Variants in ARHGEF19 observed in about 807,000 individuals in gnomAD.
ARHGEF19 encodes the protein Rho guanine nucleotide exchange factor 19.
A neutral mutation model predicts 87.6 loss-of-function variants in ARHGEF19; 92 were observed. The observed-to-expected ratio is 1.05, with a 90% CI of 0.89 to 1.25. The LOEUF (loss-of-function observed/expected upper bound fraction) is 1.25. Ranked by LOEUF, ARHGEF19 falls within the 50% of genes most tolerant of loss-of-function variation. The pLI, the probability that ARHGEF19 is intolerant of heterozygous loss-of-function variation, is 0.00. For synonymous variants in ARHGEF19, 438 were observed against 446.2 expected (o/e 0.98, Z 0.23); for missense variants, 1,054 against 1,051.8 (o/e 1.00, Z -0.03).
In ARHGEF19 at chr1:16,207,886, C is replaced by CG; in HGVS notation, c.694+57_694+58insC. The CG allele has an allele frequency of 3.6e-6, 5 of 1,377,658 alleles. No individual in the cohort carries two copies. Among genetic ancestry groups the CG allele is most frequent in the Non-Finnish European group, 4.0e-6 (4 of 989,948 alleles). The allele number at this position is 1,377,658 out of a possible 1,614,324, so 85.3% of individuals were successfully genotyped here. Reference sequence around the variant, plus strand: ...AGGCGGCCGGTGAGTGGGCATCGCCCACCCCCACCCCCACCCGGCATCTGG... The same window carrying CG: ...AGGCGGCCGGTGAGTGGGCATCGCCCGACCCCCACCCCCACCCGGCATCTGG... On this transcript the variant is annotated intron_variant, in intron 3 of 15. Coordinates refer to ENST00000270747, the MANE Select transcript of ARHGEF19 (RefSeq NM_153213.5). This position sits in a 1 kb window ranked among gnomAD's most constrained non-coding sequence, Gnocchi z 4.0.
chr1:16,203,355 TC>T (rs2081099470), intron 12 of ARHGEF19, among the ~76,000 whole-genome samples: 1 of 151,928 alleles, frequency 6.6e-6, no homozygotes, highest in African/African-American at 2.4e-5. Context: ...TCCCTTTCCA[TC>T]CCCCCTACAC....
chr1:16,202,349 T>C lies in ARHGEF19; in HGVS notation c.2066+67A>G, dbSNP rs1407961311. The C allele has an allele frequency of 3.8e-5, 54 of 1,433,784 alleles. No individual in the cohort carries two copies. The East Asian group carries it at 4.0e-4, about 11-fold the overall frequency. The allele number at this position is 1,433,784 out of a possible 1,614,324, so 88.8% of individuals were successfully genotyped here. On this transcript the variant is annotated intron_variant, in intron 13 of 15. Transcript: ENST00000270747. ...GCCCGCCATGGGGACGGGGTGCCCA[T>C]CATGGGGACGGGGTGCCTGTCATGG...
At chr1:16,200,129 C>T (rs531294676) in intron 14 of ARHGEF19, among the ~76,000 whole-genome samples, 1 of 152,222 alleles carries the variant, frequency 6.6e-6, no homozygotes, top group African/African-American at 2.4e-5. Context: ...GCATCTACCC[C>T]CTTCCTGGTC....
chr1:16,199,155 C>A lies in ARHGEF19; in HGVS notation c.2246G>T (p.Ser749Ile). ...TTCCCAGGAGGCCCCCTCACCGTCA[C>A]TGGTCCAGGTCCTCACTGACAGGAT... ...TDILSVRTWT[S>I]DGWLEGVRLA... The change falls in exon 15 of 16, where the codon AGT becomes ATT. Residue 749 changes from serine to isoleucine, a missense_variant. Ser to Ile is a moderately radical substitution (Grantham distance 142, BLOSUM62 -2). Transcript: ENST00000270747. The A allele has an allele frequency of 1.2e-6, 2 of 1,614,030 alleles. No individual in the cohort carries two copies. The highest frequency in any genetic ancestry group is 1.7e-6 in the Non-Finnish European group (2 of 1,179,938).
In ARHGEF19 at chr1:16,206,856, C is replaced by G; in HGVS notation, c.1137+92G>C. On this transcript the variant is annotated intron_variant, in intron 6 of 15. Transcript: ENST00000270747. This position sits in a 1 kb window ranked among gnomAD's most constrained non-coding sequence, Gnocchi z 4.6. ...CGCGCCAGCAACCCCCTTTGTGTGT[C>G]CCCCTCCCTCTATGGCCCGGTTCCC... 3.7e-6 allele frequency: 5 copies of G among 1,343,804 alleles called. No homozygotes were observed. The highest frequency in any genetic ancestry group is 3.4e-5 in the South Asian group (2 of 59,398). The allele number at this position is 1,343,804 out of a possible 1,614,324, so 83.2% of individuals were successfully genotyped here.
Position 16,198,875 on chromosome 1 carries a change from T to G in ARHGEF19, c.2252-131A>C. 1 of 1,214,632 alleles carries G rather than the reference T, an allele frequency of 8.2e-7. No homozygotes were observed. 75.2% of individuals were successfully genotyped at this position (1,214,632 alleles called of 1,614,324 possible). ...CAAGGTGACATCATCTCAGCATCTCTCAGCTCCAGGAAGGACCCTGTCTTG... is the reference window on the plus strand; with the variant it reads ...CAAGGTGACATCATCTCAGCATCTCGCAGCTCCAGGAAGGACCCTGTCTTG... On this transcript the variant is annotated intron_variant, in intron 15 of 15. Coordinates refer to ENST00000270747, the MANE Select transcript of ARHGEF19 (RefSeq NM_153213.5). The surrounding 1 kb of genome is among the most constrained non-coding windows in gnomAD (Gnocchi z 4.1).
At position 16,205,744 on chromosome 1, in the gene ARHGEF19, T is replaced by G; in HGVS notation, c.1452-77A>C. The G allele has an allele frequency of 6.6e-7, 1 of 1,523,044 alleles. No individual in the cohort carries two copies. Among genetic ancestry groups the G allele is most frequent in the Admixed American group, 2.2e-5 (1 of 44,486 alleles). The allele number at this position is 1,523,044 out of a possible 1,614,324, so 94.3% of individuals were successfully genotyped here. A position where few individuals can be genotyped will look rare whatever the true frequency, so the allele number is the denominator to read the frequency against. On this transcript the variant is annotated intron_variant, in intron 8 of 15. Transcript: ENST00000270747. The surrounding 1 kb of genome is among the most constrained non-coding windows in gnomAD (Gnocchi z 5.8). ...TCCACAACCCTGGCCATCCACGGGG[T>G]CCTCAGGGGGCTTCTCAGCACATCC...
chr1:16,206,824 G>C lies in ARHGEF19; in HGVS notation c.1137+124C>G, dbSNP rs2081141327. 8.1e-7 allele frequency: 1 copy of C among 1,235,588 alleles called. No individual in the cohort carries two copies. Among genetic ancestry groups the C allele is most frequent in the Non-Finnish European group, 1.1e-6 (1 of 947,192 alleles). The allele number at this position is 1,235,588 out of a possible 1,614,324, so 76.5% of individuals were successfully genotyped here. ...AGGTCCTAGAGCCAACCTTCCGCGC[G>C]GACAGTCGCGCCAGCAACCCCCTTT... On this transcript the variant is annotated intron_variant, in intron 6 of 15. Coordinates refer to ENST00000270747, the MANE Select transcript of ARHGEF19 (RefSeq NM_153213.5). The surrounding 1 kb of genome is among the most constrained non-coding windows in gnomAD (Gnocchi z 4.6).
rs756638021 is a variant in ARHGEF19, at chr1:16,207,206, G to A, written c.879C>T (p.Val293=). The A allele has an allele frequency of 5.9e-6, 9 of 1,519,502 alleles. No individual in the cohort carries two copies. The highest frequency in any genetic ancestry group is 1.2e-5 in the South Asian group (1 of 80,372). The allele number at this position is 1,519,502 out of a possible 1,614,324, so 94.1% of individuals were successfully genotyped here. ...CCACGTCGCTGTATTCCTGATAGAG[G>A]ACGGCTGGGGGAAAGACGGGCGGGG... is the stretch of plus-strand genomic sequence containing the variant. The part of the protein sequence containing the change: ...RRQSRFLLNS[V]LYQEYSDVAS... The change falls in exon 6 of 16, where the codon GTC becomes GTT. Residue 293 remains valine, a synonymous_variant. Transcript: ENST00000270747. The surrounding 1 kb of genome is among the most constrained non-coding windows in gnomAD (Gnocchi z 4.0).
At position 16,198,724 on chromosome 1, in the gene ARHGEF19, GGCGGACCCCTTCCA is replaced by G; in HGVS notation, c.2258_2271del (p.Leu753ProfsTer5). 2 of 1,608,870 alleles carry G rather than the reference GGCGGACCCCTTCCA, an allele frequency of 1.2e-6. No individual in the cohort carries two copies. Among genetic ancestry groups the G allele is most frequent in the Middle Eastern group, 1.7e-4 (1 of 6,020 alleles). On this transcript the variant is annotated frameshift_variant, in exon 16 of 16. Transcript: ENST00000270747. LOFTEE classifies it high-confidence loss of function. This position sits in a 1 kb window ranked among gnomAD's most constrained non-coding sequence, Gnocchi z 4.1. ...ACCCACCCCTTCTCACCATCTGCCA[GGCGGACCCCTTCCA>G]GCCAGCCTAGGGACACATAGGCCAA...
chr1:16,204,018 T>C (rs1000982603), intron 12 of ARHGEF19, among the ~76,000 whole-genome samples: 5 of 152,354 alleles, frequency 3.3e-5, no homozygotes, highest in Middle Eastern at 3.4e-3. Flanking sequence ...ATTCTTCTTA[T>C]AGCATAACAT....
In ARHGEF19 at chr1:16,207,630, C is replaced by T. The variant is rs370731946; in HGVS notation, c.798-32G>A. ...AAGAGAGAGCGTCACGGCCCTAGTTCGCCTGCACCCTGTCTCGGACCCAAG... is the reference window on the plus strand; with the variant it reads ...AAGAGAGAGCGTCACGGCCCTAGTTTGCCTGCACCCTGTCTCGGACCCAAG... On this transcript the variant is annotated intron_variant, in intron 4 of 15. Coordinates refer to ENST00000270747, the MANE Select transcript of ARHGEF19 (RefSeq NM_153213.5). The surrounding 1 kb of genome is among the most constrained non-coding windows in gnomAD (Gnocchi z 4.0). The T allele has an allele frequency of 1.9e-6, 3 of 1,614,018 alleles. No individual in the cohort carries two copies. The highest frequency in any genetic ancestry group is 2.5e-6 in the Non-Finnish European group (3 of 1,179,980).
Position 16,206,108 on chromosome 1 carries a change from G to A in ARHGEF19, c.1299-25C>T, listed in dbSNP as rs772740638. ...CCTGAGGAGTCAGAGCCAGGATGGAGACCCCAGATCTGGGAGCTGGCCAAC... is the reference window on the plus strand; with the variant it reads ...CCTGAGGAGTCAGAGCCAGGATGGAAACCCCAGATCTGGGAGCTGGCCAAC... On this transcript the variant is annotated intron_variant, in intron 7 of 15. Coordinates refer to ENST00000270747, the MANE Select transcript of ARHGEF19 (RefSeq NM_153213.5). This position sits in a 1 kb window ranked among gnomAD's most constrained non-coding sequence, Gnocchi z 4.6. The A allele has an allele frequency of 8.3e-6, 13 of 1,574,928 alleles. No individual in the cohort carries two copies. Among genetic ancestry groups the A allele is most frequent in the Non-Finnish European group, 1.1e-5 (13 of 1,159,554 alleles).
At position 16,205,531 on chromosome 1, in the gene ARHGEF19, G is replaced by C. The variant is rs1403934856; in HGVS notation, c.1581+7C>G. 1 of 1,613,764 alleles carries C rather than the reference G, an allele frequency of 6.2e-7. No homozygotes were observed. On this transcript the variant is annotated splice_region_variant and intron_variant, in intron 9 of 15. Coordinates refer to ENST00000270747, the MANE Select transcript of ARHGEF19 (RefSeq NM_153213.5). The surrounding 1 kb of genome is among the most constrained non-coding windows in gnomAD (Gnocchi z 5.8). ...AGCCCTCACTGTGGCCTGTCCCCTC[G>C]AGGTACCTCCACCAACATCTTGAGG... is the stretch of plus-strand genomic sequence containing the variant.
chr1:16,208,963 C>G lies in ARHGEF19; in HGVS notation c.92G>C (p.Ser31Thr), dbSNP rs371536904. 1.9e-6 allele frequency: 3 copies of G among 1,560,794 alleles called. No homozygotes were observed. In the South Asian group the frequency reaches 3.6e-5, roughly 19 times the overall value. Residue 31 changes from serine to threonine, a missense_variant, in exon 2 of 16, where the codon AGT becomes ACT. By Grantham distance (58) the Ser-to-Thr change is moderately conservative. Transcript: ENST00000270747. ...HHPVAVCQQESLSFAELPALK... is the reference protein window; with the variant it reads ...HHPVAVCQQETLSFAELPALK... ...GGCGGGCAGCTCTGCAAAGGACAGA[C>G]TCTCCTGCTGGCACACTGCTACAGG...
chr1:16,208,104 C>A lies in ARHGEF19; in HGVS notation c.534G>T (p.Val178=). Reference sequence around the variant, plus strand: ...TCACTCGGGTGGACCCAGACAACTCCACCCTGGGCTCCTCTGTGCTCAGGG... The same window carrying A: ...TCACTCGGGTGGACCCAGACAACTCAACCCTGGGCTCCTCTGTGCTCAGGG... The part of the protein sequence containing the change: ...EQALSTEEPR[V]ELSGSTRVSL... The change falls in exon 3 of 16, where the codon GTG becomes GTT. Residue 178 remains valine, a synonymous_variant. Coordinates refer to ENST00000270747, the MANE Select transcript of ARHGEF19 (RefSeq NM_153213.5). 6.2e-7 allele frequency: 1 copy of A among 1,614,068 alleles called. No individual in the cohort carries two copies. Among genetic ancestry groups the A allele is most frequent in the Non-Finnish European group, 8.5e-7 (1 of 1,180,028 alleles).
rs747887692 is a variant in ARHGEF19 at position 16,207,747 on chromosome 1, A to G, written c.725T>C (p.Val242Ala). ...CGACACCCGGTCCCCGCTCATCTCT[A>G]CACTTCGAGCCTCCATTCCAGATGC... ...GKASGMEARS[V>A]EMSGDRVSRP... The change falls in exon 4 of 16, where the codon GTA becomes GCA. Residue 242 changes from valine to alanine, a missense_variant. Val to Ala is a moderately conservative substitution (Grantham distance 64). Coordinates refer to ENST00000270747, the MANE Select transcript of ARHGEF19 (RefSeq NM_153213.5). The surrounding 1 kb of genome is among the most constrained non-coding windows in gnomAD (Gnocchi z 4.0). The G allele has an allele frequency of 2.5e-6, 4 of 1,613,826 alleles. No individual in the cohort carries two copies. The highest frequency in any genetic ancestry group is 4.5e-5 in the East Asian group (2 of 44,852).
intron 1 of ARHGEF19, among the ~76,000 whole-genome samples, chr1:16,212,236 T>C (rs1392167205): frequency 6.6e-6 from 1 of 152,100 alleles, no homozygotes; most frequent in Non-Finnish European, 1.5e-5. Flanking sequence ...GTACCTAGCT[T>C]TTCCCTGCCC....
At position 16,198,541 on chromosome 1, in the gene ARHGEF19, T is replaced by C. The variant is rs1431378163; in HGVS notation, c.*46A>G. 1.3e-6 allele frequency: 2 copies of C among 1,559,330 alleles called. No individual in the cohort carries two copies. Among genetic ancestry groups the C allele is most frequent in the Non-Finnish European group, 1.7e-6 (2 of 1,151,230 alleles). ...GACACTGCAGGCCCCTCCAGGACCATCCAGGAGCCAGGCATGGAGGTGGGG... is the reference window on the plus strand; with the variant it reads ...GACACTGCAGGCCCCTCCAGGACCACCCAGGAGCCAGGCATGGAGGTGGGG... On this transcript the variant is annotated 3_prime_UTR_variant, in exon 16 of 16. Transcript: ENST00000270747. The surrounding 1 kb of genome is among the most constrained non-coding windows in gnomAD (Gnocchi z 4.1).
Sources: gnomAD v4.1 joint callset for allele counts (sites outside exome capture counted in the v4.1 genomes callset) on GRCh38, gnomAD v4.1.1 for gene constraint, Gnocchi (gnomAD v3.1) non-coding constraint, MANE v1.5 for transcripts, NCBI Gene and HGNC (gene_info 2026-07-23, HGNC 2026-07-21) for gene names.